The following MYRFL variants were observed in gnomAD, a reference collection of about 807,000 sequenced individuals.
MYRFL encodes the protein myelin regulatory factor-like protein.
In MYRFL, 88 loss-of-function variants were observed where a neutral mutation model predicts 109.4. That is an observed-to-expected ratio of 0.80 (90% CI 0.68 to 0.96). The LOEUF (loss-of-function observed/expected upper bound fraction) is 0.96, where lower values mean the gene tolerates loss of function less well. Among genes scored for constraint, MYRFL ranks in the 40% least tolerant of loss-of-function variants. The pLI, the probability that MYRFL is intolerant of heterozygous loss-of-function variation, is 0.00. For missense variants in MYRFL, 957 were observed against 954.9 expected (o/e 1.00, Z -0.03); for synonymous variants, 324 against 320.9 (o/e 1.01, Z -0.10).
intron 23 of MYRFL, 125 bp downstream of exon 23, chr12:69,958,067 T>G: frequency 1.5e-6 from 2 of 1,364,718 alleles, no homozygotes; most frequent in Non-Finnish European, 1.9e-6. Flanking sequence ...TGTGTCCTTA[T>G]GAAGTTGCCT....
intron 2 of MYRFL, among the ~76,000 whole-genome samples, chr12:69,866,828 G>A (rs932667980): frequency 2.6e-5 from 4 of 152,186 alleles, no homozygotes; most frequent in Non-Finnish European, 5.9e-5. Flanking sequence ...GATGCTGTGA[G>A]GAAAAATGTT....
chr12:69,858,803 T>C (rs544452751), intron 2 of MYRFL, among the ~76,000 whole-genome samples: 14 of 152,040 alleles, frequency 9.2e-5, no homozygotes, highest in Non-Finnish European at 1.8e-4. Context: ...TTTGATGTCA[T>C]TGATTTTCTC....
At chr12:69,921,433 T>C (rs1954908497) in intron 13 of MYRFL, among the ~76,000 whole-genome samples, 1 of 152,226 alleles carries the variant, frequency 6.6e-6, no homozygotes, top group South Asian at 2.1e-4. Context: ...GGTTCAAATC[T>C]GCTCATACAG....
chr12:69,950,959 T>C (rs1258233527), intron 19 of MYRFL, among the ~76,000 whole-genome samples: 1 of 152,220 alleles, frequency 6.6e-6, no homozygotes, highest in African/African-American at 2.4e-5. Context: ...CAAGACATTA[T>C]GGCAGGGGTT....
chr12:69,924,762 A>T (rs1048886064), intron 13 of MYRFL, among the ~76,000 whole-genome samples: 7 of 152,198 alleles, frequency 4.6e-5, no homozygotes, highest in Non-Finnish European at 8.8e-5. Context: ...TGATACAAGT[A>T]TGATTTTTTT....
intron 11 of MYRFL, among the ~76,000 whole-genome samples, chr12:69,906,259 C>T (rs1212168795): frequency 6.6e-6 from 1 of 152,116 alleles, no homozygotes; most frequent in East Asian, 1.9e-4. Context: ...AGATCCAAGA[C>T]ATGGAGAAGA....
At chr12:69,913,306 A>G (rs910718892) in intron 13 of MYRFL, among the ~76,000 whole-genome samples, 4 of 152,178 alleles carry the variant, frequency 2.6e-5, no homozygotes, top group Non-Finnish European at 4.4e-5. Context: ...TTAAATTTTA[A>G]TGATATCCAG....
intron 19 of MYRFL, among the ~76,000 whole-genome samples, chr12:69,942,996 A>G (rs976598419): frequency 1.3e-5 from 2 of 151,748 alleles, no homozygotes; most frequent in African/African-American, 4.9e-5. Flanking sequence ...GACCTCTTCA[A>G]GAAGAACTAC....
chr12:69,873,253 AAAAAAAATCAG>A (rs1453667735), intron 2 of MYRFL, among the ~76,000 whole-genome samples: 3 of 151,984 alleles, frequency 2.0e-5, no homozygotes, highest in Non-Finnish European at 4.4e-5. Flanking sequence ...AGCTAAACCA[AAAAAAAATCAG>A]AAAAAAATCT....
rs1318977426 is a variant in MYRFL, at chr12:69,891,052, G to A, written c.789G>A (p.Lys263=). Residue 263 remains lysine (K), a synonymous_variant, in exon 7 of 25, where the codon AAG becomes AAA. Coordinates refer to ENST00000552032, the MANE Select transcript of MYRFL (RefSeq NM_182530.3). ...PADEAFVCQK[K]NHFQITIHIQ... is the part of the protein sequence containing the mutation. Reference sequence around the variant, plus strand: ...ATGAAGCTTTTGTTTGCCAAAAGAAGAATCATTTCCAGATAACCATTCACA... The same window carrying A: ...ATGAAGCTTTTGTTTGCCAAAAGAAAAATCATTTCCAGATAACCATTCACA... 1 of 1,534,752 alleles carries A rather than the reference G, an allele frequency of 6.5e-7. No individual in the cohort carries two copies. Among genetic ancestry groups the A allele is most frequent in the Admixed American group, 2.0e-5 (1 of 50,782 alleles).
chr12:69,957,987 A>T, intron 23 of MYRFL, 45 bp downstream of exon 23: 2 of 1,505,374 alleles, frequency 1.3e-6, no homozygotes, highest in Non-Finnish European at 1.8e-6. Flanking sequence ...AGAGGGATAC[A>T]TTGAGCAAAT....
chr12:69,889,295 A>T (rs914080484), intron 6 of MYRFL, among the ~76,000 whole-genome samples: 1 of 152,108 alleles, frequency 6.6e-6, no homozygotes, highest in African/African-American at 2.4e-5. Flanking sequence ...GGAAAAATTC[A>T]TCAAAGAAGT....
At chr12:69,861,533 G>T (rs966648627) in intron 2 of MYRFL, among the ~76,000 whole-genome samples, 1 of 150,784 alleles carries the variant, frequency 6.6e-6, no homozygotes, top group Non-Finnish European at 1.5e-5. Flanking sequence ...TGTTTTGGCT[G>T]CATAAATGTC....
At chr12:69,893,461 G>A (rs918537770) in intron 7 of MYRFL, among the ~76,000 whole-genome samples, 2 of 152,096 alleles carry the variant, frequency 1.3e-5, no homozygotes, top group Non-Finnish European at 2.9e-5. Context: ...AATAAATAAG[G>A]AGCTGCCTTA....
intron 22 of MYRFL, among the ~76,000 whole-genome samples, chr12:69,955,898 A>G (rs1400173807): frequency 2.6e-5 from 4 of 152,006 alleles, no homozygotes; most frequent in African/African-American, 9.7e-5. Flanking sequence ...CCAGGGTCCA[A>G]GGATTCTGTC....
chr12:69,891,666 TTTCTTTCTTTCTTTCTTTCGTTCGTTCG>T (rs1886886894), intron 7 of MYRFL, among the ~76,000 whole-genome samples: 3 of 101,626 alleles, frequency 3.0e-5, no homozygotes, highest in African/African-American at 1.1e-4. Context: ...TCTTTCTTTC[TTTCTTTCTTTCTTTCTTTCGTTCGTTCG>T]TTCTTTCTTT....
intron 2 of MYRFL, among the ~76,000 whole-genome samples, chr12:69,862,356 C>CA (rs1306912757): frequency 6.6e-6 from 1 of 152,106 alleles, no homozygotes; most frequent in African/African-American, 2.4e-5. Context: ...GCCATTTTCA[C>CA]AATATTGATT....
chr12:69,880,957 T>TTTTTTTTTTTTTG (rs1886059605), intron 5 of MYRFL, among the ~76,000 whole-genome samples: 1 of 147,086 alleles, frequency 6.8e-6, no homozygotes, highest in Non-Finnish European at 1.5e-5. Context: ...TCCTGTTTTT[T>TTTTTTTTTTTTTG]TTTTTTTTTT....
At chr12:69,905,373 A>C (rs967194286) in intron 11 of MYRFL, among the ~76,000 whole-genome samples, 1 of 152,262 alleles carries the variant, frequency 6.6e-6, no homozygotes, top group African/African-American at 2.4e-5. Context: ...AACTTCTCAC[A>C]TCCCTTCTAA....
Sources: gnomAD v4.1 joint callset for allele counts (sites outside exome capture counted in the v4.1 genomes callset) on GRCh38, gnomAD v4.1.1 for gene constraint, MANE v1.5 for transcripts, NCBI Gene and HGNC (gene_info 2026-07-23, HGNC 2026-07-21) for gene names.